DAB1: variants seen among roughly 807,000 people sequenced by gnomAD.
DAB1 encodes disabled homolog 1.
In DAB1, 15 loss-of-function variants were observed where a neutral mutation model predicts 64.6. The ratio of observed to expected loss-of-function variants is 0.23; its 90% CI spans 0.16 to 0.36. DAB1 has a LOEUF of 0.36. DAB1 is among the 10% of genes least tolerant of loss of function. DAB1 has a pLI of 1.00. For synonymous variants in DAB1, 235 were observed against 251.9 expected (o/e 0.93, Z 0.64); for missense variants, 596 against 706.7 (o/e 0.84, Z 1.78).
chr1:57,344,632 G>C (rs1077424), intron 1 of DAB1, among the ~76,000 whole-genome samples: 77,545 of 151,470 alleles, frequency 0.51, 20,552 homozygotes, highest in Non-Finnish European at 0.56. Context: ...AAAACAAGCA[G>C]AAGCAGTATA....
intron 5 of DAB1, among the ~76,000 whole-genome samples, chr1:57,905,801 G>C (rs1165955382): frequency 6.6e-6 from 1 of 152,190 alleles, no homozygotes; most frequent in Non-Finnish European, 1.5e-5. Context: ...ACAGTGGCTA[G>C]GGAGGTAGGA....
chr1:57,837,792 ACC>A (rs141315910), intron 1 of DAB1, among the ~76,000 whole-genome samples: 2 of 110,018 alleles, frequency 1.8e-5, no homozygotes, highest in African/African-American at 3.4e-5. Context: ...CACCTTCACC[ACC>A]CCCACCTCCA....
chr1:58,095,401 C>T (rs1235382706), intron 5 of DAB1, among the ~76,000 whole-genome samples: 1 of 152,188 alleles, frequency 6.6e-6, no homozygotes, highest in Non-Finnish European at 1.5e-5. Context: ...AGATAAGGCA[C>T]ACAGAGGTTA....
At chr1:58,448,387 T>C (rs1232021836) in intron 3 of DAB1, among the ~76,000 whole-genome samples, 1 of 152,234 alleles carries the variant, frequency 6.6e-6, no homozygotes, top group Non-Finnish European at 1.5e-5. Context: ...AAATTTTGCC[T>C]GTGGTCAATT....
intron 1 of DAB1, among the ~76,000 whole-genome samples, chr1:57,338,716 T>C (rs149683361): frequency 2.0e-3 from 311 of 152,322 alleles, no homozygotes; most frequent in African/African-American, 7.1e-3. Context: ...CAGGATGTGA[T>C]AATGGAAAAA....
intron 7 of DAB1, among the ~76,000 whole-genome samples, chr1:57,452,613 C>T (rs1008215359): frequency 6.6e-6 from 1 of 151,942 alleles, no homozygotes; most frequent in African/African-American, 2.4e-5. Context: ...TGGTGGGGGG[C>T]GCGGGGTGGT....
chr1:57,813,734 T>G (rs971643260), intron 6 of DAB1, among the ~76,000 whole-genome samples: 3 of 152,194 alleles, frequency 2.0e-5, no homozygotes, highest in African/African-American at 7.2e-5. Flanking sequence ...AAGACTACAG[T>G]TTCTTTCCAC....
At chr1:57,622,956 C>T (rs573509800) in intron 7 of DAB1, among the ~76,000 whole-genome samples, 30 of 152,292 alleles carry the variant, frequency 2.0e-4, no homozygotes, top group Non-Finnish European at 2.9e-4. Flanking sequence ...AAAAATTAAA[C>T]CCTGTTGTCT....
intron 5 of DAB1, among the ~76,000 whole-genome samples, chr1:58,064,670 CATAG>C (rs1460432185): frequency 1.3e-5 from 2 of 151,980 alleles, no homozygotes; most frequent in African/African-American, 4.8e-5. Context: ...TGGTAATGAC[CATAG>C]ATAAATTTTT....
intron 5 of DAB1, among the ~76,000 whole-genome samples, chr1:58,039,027 C>T (rs957919601): frequency 6.6e-6 from 1 of 152,148 alleles, no homozygotes; most frequent in African/African-American, 2.4e-5. Flanking sequence ...CACACCAACC[C>T]CACTAAGCCC....
chr1:57,803,210 G>A (rs889861023), intron 6 of DAB1, among the ~76,000 whole-genome samples: 2 of 152,210 alleles, frequency 1.3e-5, no homozygotes, highest in African/African-American at 2.4e-5. Flanking sequence ...ATGCCACATC[G>A]TTACTTGCAA....
chr1:57,987,722 A>ATGCC lies in DAB1; in HGVS notation n.388-103564_388-103561dup, dbSNP rs746952754. On this transcript the variant is annotated intron_variant and non_coding_transcript_variant, in intron 5 of 20. Transcript: ENST00000485760. Reference sequence around the variant, plus strand: ...CTGCACTAATTACCATTTATATAAGATGCCTGCCTGCCTCTGCTGGCGCTC... The same window carrying ATGCC: ...CTGCACTAATTACCATTTATATAAGATGCCTGCCTGCCTGCCTCTGCTGGCGCTC... Among the ~76,000 whole-genome samples the ATGCC allele has an allele frequency of 3.9e-5, 6 of 152,256 alleles. No homozygotes were observed. In the East Asian group the frequency reaches 5.8e-4, roughly 15 times the overall value.
rs535899789 is a variant in DAB1, at chr1:57,813,769, A to G, written n.551+70230T>C. Among the ~76,000 whole-genome samples the G allele has an allele frequency of 3.9e-5, 6 of 152,284 alleles. No individual in the cohort carries two copies. The East Asian group carries it at 1.2e-3, about 29-fold the overall frequency. ...CGAGCCTGATCCGCTGCAGCTCTCCACCCTCGGTAGAGAATCGAAGATGGG... is the reference window on the plus strand; with the variant it reads ...CGAGCCTGATCCGCTGCAGCTCTCCGCCCTCGGTAGAGAATCGAAGATGGG... On this transcript the variant is annotated intron_variant and non_coding_transcript_variant, in intron 6 of 20. Transcript: ENST00000485760.
intron 1 of DAB1, among the ~76,000 whole-genome samples, chr1:57,360,444 T>C (rs980162290): frequency 4.6e-5 from 7 of 152,078 alleles, no homozygotes; most frequent in Non-Finnish European, 1.0e-4. Context: ...CCATCACTAA[T>C]GACAAGATTG....
chr1:57,514,662 G>T (rs1458299555), intron 7 of DAB1, among the ~76,000 whole-genome samples: 1 of 152,196 alleles, frequency 6.6e-6, no homozygotes, highest in Non-Finnish European at 1.5e-5. Flanking sequence ...TATGAAGTTA[G>T]TGCCTCTGGG....
intron 3 of DAB1, among the ~76,000 whole-genome samples, chr1:58,361,931 G>T (rs552741066): frequency 2.2e-5 from 3 of 138,646 alleles, no homozygotes; most frequent in Admixed American, 1.6e-4. Flanking sequence ...GTGCAGCAGT[G>T]TGATTTCACT....
chr1:57,801,630 G>T (rs1220450710), intron 6 of DAB1, among the ~76,000 whole-genome samples: 1 of 152,086 alleles, frequency 6.6e-6, no homozygotes, highest in Non-Finnish European at 1.5e-5. Context: ...TTCCTCCTTA[G>T]CATGGGGAGC....
At chr1:58,427,418 T>C (rs1310012136) in intron 3 of DAB1, among the ~76,000 whole-genome samples, 1 of 152,100 alleles carries the variant, frequency 6.6e-6, no homozygotes, top group African/African-American at 2.4e-5. Flanking sequence ...ACCAAGGCTG[T>C]TTACTGAGAA....
rs148307561 is a variant in DAB1, at chr1:57,014,977, G to A, written c.1350C>T (p.Val450=). The A allele has an allele frequency of 1.1e-5, 17 of 1,613,986 alleles. No homozygotes were observed. The highest frequency in any genetic ancestry group is 2.2e-5 in the South Asian group (2 of 91,060). Residue 450 remains valine, a synonymous_variant, in exon 12 of 15, where the codon GTC becomes GTT. Coordinates refer to ENST00000371236, the MANE Select transcript of DAB1 (RefSeq NM_001365792.1). ...SEAFSSYFNK[V]GVAQDTDDCD... ...AGTCGTCTGTATCCTGTGCCACCCC[G>A]ACTTTGTTGAAGTAACTGGAGAAGG...
Sources: allele counts gnomAD v4.1 joint callset (sites outside exome capture counted in the v4.1 genomes callset), GRCh38; gene constraint gnomAD v4.1.1; transcripts MANE v1.5; gene names NCBI Gene and HGNC (gene_info 2026-07-23, HGNC 2026-07-21).